The following CLHC1 variants were observed in gnomAD, a reference collection of about 807,000 sequenced individuals.
The protein encoded by CLHC1 is clathrin heavy chain linker domain-containing protein 1.
CLHC1 carries 72 observed loss-of-function variants against 69.5 expected under a neutral mutation model. That is an observed-to-expected ratio of 1.04 (90% CI 0.86 to 1.26). CLHC1 has a LOEUF of 1.26. Ranked by LOEUF, CLHC1 falls within the 50% of genes most tolerant of loss-of-function variation. The pLI, the probability that CLHC1 is intolerant of heterozygous loss-of-function variation, is 0.00. For missense variants in CLHC1, 790 were observed against 679.3 expected, an observed-to-expected ratio of 1.16 and a Z score of -1.81; for synonymous variants, 223 against 224.3, an observed-to-expected ratio of 0.99 and a Z score of 0.05.
upstream of CLHC1, chr2:55,232,487 C>A (rs770386810): frequency 4.8e-6 from 2 of 415,934 alleles, no homozygotes; most frequent in African/African-American, 2.0e-5. Flanking sequence ...GTTGCTTAAA[C>A]CTACAGTTTC....
At chr2:55,202,611 T>C (rs895138242) in intron 9 of CLHC1, among the ~76,000 whole-genome samples, 2 of 148,250 alleles carry the variant, frequency 1.3e-5, no homozygotes, top group Non-Finnish European at 1.5e-5. Flanking sequence ...AAAAAACTAT[T>C]AGAGGCCAAG....
At chr2:55,223,719 C>T (rs575212542) in intron 2 of CLHC1, among the ~76,000 whole-genome samples, 1 of 152,246 alleles carries the variant, frequency 6.6e-6, no homozygotes, top group Admixed American at 6.5e-5. Flanking sequence ...CCCCCAGGAG[C>T]CTCGGCAGGG....
At chr2:55,223,675 G>A (rs1674395751) in intron 2 of CLHC1, among the ~76,000 whole-genome samples, 1 of 152,124 alleles carries the variant, frequency 6.6e-6, no homozygotes, top group African/African-American at 2.4e-5. Flanking sequence ...TGGCGCCCCC[G>A]GACCCGCTCA....
intron 8 of CLHC1, among the ~76,000 whole-genome samples, chr2:55,207,537 A>G (rs976592020): frequency 3.3e-5 from 5 of 152,222 alleles, no homozygotes; most frequent in African/African-American, 1.2e-4. Context: ...TCTTTTTACC[A>G]TACCAACAAT....
At chr2:55,206,032 T>C (rs1331291232) in intron 9 of CLHC1, among the ~76,000 whole-genome samples, 1 of 152,222 alleles carries the variant, frequency 6.6e-6, no homozygotes, top group Non-Finnish European at 1.5e-5. Context: ...TAAATCTTGA[T>C]AGTGAGTACA....
At position 55,206,352 on chromosome 2, in the gene CLHC1, A is replaced by C. The variant is rs1302910857; in HGVS notation, c.924T>G (p.Gly308=). Residue 308 remains glycine, a synonymous_variant, in exon 9 of 13, where the codon GGT becomes GGG. Transcript: ENST00000401408. Reference sequence around the variant, plus strand: ...CATAACAAGCTGCCTTTTCATATTCACCAAGTGAGATTAACTCATTAAACC... The same window carrying C: ...CATAACAAGCTGCCTTTTCATATTCCCCAAGTGAGATTAACTCATTAAACC... ...IERFNELISL[G]EYEKAACYAA... 6.2e-7 allele frequency: 1 copy of C among 1,606,136 alleles called. No individual in the cohort carries two copies. Among genetic ancestry groups the C allele is most frequent in the Non-Finnish European group, 8.5e-7 (1 of 1,173,524 alleles).
Position 55,206,361 on chromosome 2 carries a change from G to T in CLHC1, c.915C>A (p.Ile305=). 1 of 1,598,134 alleles carries T rather than the reference G, an allele frequency of 6.3e-7. No individual in the cohort carries two copies. Among genetic ancestry groups the T allele is most frequent in the Non-Finnish European group, 8.6e-7 (1 of 1,166,578 alleles). ...LHYIERFNEL[I]SLGEYEKAAC... is the part of the protein sequence containing the mutation. Reference sequence around the variant, plus strand: ...CTGCCTTTTCATATTCACCAAGTGAGATTAACTCATTAAACCTATAGCCAT... The same window carrying T: ...CTGCCTTTTCATATTCACCAAGTGATATTAACTCATTAAACCTATAGCCAT... The change falls in exon 9 of 13, where the codon ATC becomes ATA. Residue 305 remains isoleucine (I), a synonymous_variant. Transcript: ENST00000401408.
At position 55,205,779 on chromosome 2, in the gene CLHC1, C is replaced by T. The variant is rs1158182308; in HGVS notation, c.1006+491G>A. 4 of 152,766 alleles carry T rather than the reference C, an allele frequency of 2.6e-5. No homozygotes were observed. In the East Asian group the frequency reaches 7.7e-4, roughly 29 times the overall value. The allele number at this position is 152,766 out of a possible 1,614,324, so 9.5% of individuals were successfully genotyped here. A position where few individuals can be genotyped will look rare whatever the true frequency, so the allele number is the denominator to read the frequency against. ...GTGTGGTGGCACACACCTGTAATCCCAGCTACTCGGGAGGCTGAAACGGGA... is the reference window on the plus strand; with the variant it reads ...GTGTGGTGGCACACACCTGTAATCCTAGCTACTCGGGAGGCTGAAACGGGA... On this transcript the variant is annotated intron_variant, in intron 9 of 12. Transcript: ENST00000401408.
At chr2:55,185,883 A>T (rs1449008136) in intron 9 of CLHC1, among the ~76,000 whole-genome samples, 1 of 152,240 alleles carries the variant, frequency 6.6e-6, no homozygotes, top group Non-Finnish European at 1.5e-5. Context: ...GCTTCTACCA[A>T]TGATATCTTT....
At chr2:55,206,249 G>C (rs1672429327) in intron 9 of CLHC1, 21 bp downstream of exon 9, 1 of 1,350,856 alleles carries the variant, frequency 7.4e-7, no homozygotes. Context: ...ACATATATAA[G>C]GTTCAGAGAG....
intron 9 of CLHC1, among the ~76,000 whole-genome samples, chr2:55,199,088 G>C (rs185343330): frequency 1.7e-4 from 26 of 152,032 alleles, no homozygotes; most frequent in African/African-American, 5.1e-4. Flanking sequence ...CCTGAGTTCA[G>C]GAGTTCACAA....
At chr2:55,199,554 A>C (rs895031463) in intron 9 of CLHC1, among the ~76,000 whole-genome samples, 7 of 152,158 alleles carry the variant, frequency 4.6e-5, no homozygotes, top group Admixed American at 1.3e-4. Context: ...TAAGATATAG[A>C]TAGAAACAAC....
At chr2:55,201,468 T>A (rs559765774) in intron 9 of CLHC1, among the ~76,000 whole-genome samples, 1 of 152,060 alleles carries the variant, frequency 6.6e-6, no homozygotes, top group African/African-American at 2.4e-5. Context: ...TATTGAACCA[T>A]GAAGAAATCC....
rs373715766 is a variant in CLHC1, at chr2:55,179,909, C to T, written c.1384+601G>A. On this transcript the variant is annotated intron_variant, in intron 11 of 12. Transcript: ENST00000401408. ...GTGGCTCACATCTGCAATCCCAGCA[C>T]TTTGAGAGGCTGAGGCGGGCAGATC... Among the ~76,000 whole-genome samples, 252 of 152,256 alleles carry T rather than the reference C, an allele frequency of 1.7e-3. 2 individuals carry two copies. The Middle Eastern group carries it at 0.017, about 10-fold the overall frequency.
intron 10 of CLHC1, 33 bp from the exon 11 acceptor site, chr2:55,180,745 G>T (rs370205929): frequency 1.3e-6 from 2 of 1,562,756 alleles, no homozygotes; most frequent in Non-Finnish European, 1.8e-6. Context: ...ACATATGTTA[G>T]AAAATTCCTG....
intron 9 of CLHC1, among the ~76,000 whole-genome samples, chr2:55,202,277 T>C (rs550574882): frequency 4.1e-5 from 6 of 147,910 alleles, no homozygotes; most frequent in African/African-American, 1.5e-4. Flanking sequence ...AAAACCTAGC[T>C]GGGTGCGGTG....
intron 9 of CLHC1, among the ~76,000 whole-genome samples, chr2:55,204,226 G>C (rs1307977603): frequency 6.6e-6 from 1 of 152,160 alleles, no homozygotes; most frequent in Admixed American, 6.5e-5. Context: ...GGAGGTTGTG[G>C]TGAGCCGAGA....
At chr2:55,181,201 G>T (rs1442808223) in intron 10 of CLHC1, among the ~76,000 whole-genome samples, 2 of 152,080 alleles carry the variant, frequency 1.3e-5, no homozygotes, top group African/African-American at 4.8e-5. Flanking sequence ...GGCTGGTCTT[G>T]AACTCCTGAC....
At chr2:55,212,199 C>T (rs545470606) in intron 5 of CLHC1, among the ~76,000 whole-genome samples, 1 of 152,140 alleles carries the variant, frequency 6.6e-6, no homozygotes, top group Non-Finnish European at 1.5e-5. Context: ...ATCGCTTAAA[C>T]CCTGGAGAGG....
Sources: allele counts gnomAD v4.1 joint callset (sites outside exome capture counted in the v4.1 genomes callset), GRCh38; gene constraint gnomAD v4.1.1; transcripts MANE v1.5; gene names NCBI Gene and HGNC (gene_info 2026-07-23, HGNC 2026-07-21).